Variants in RRBP1 observed in about 807,000 individuals in gnomAD.
RRBP1 encodes the protein ribosome binding protein 1.
A neutral mutation model predicts 165.2 loss-of-function variants in RRBP1; 94 were observed. The ratio of observed to expected loss-of-function variants is 0.57; its 90% CI spans 0.48 to 0.68. The LOEUF (loss-of-function observed/expected upper bound fraction) is 0.68. RRBP1 is among the 30% of genes least tolerant of loss of function. RRBP1 has a pLI of 0.00. For synonymous variants in RRBP1, 680 were observed against 714.5 expected (o/e 0.95, Z 0.77); for missense variants, 1,676 against 1,763.0 (o/e 0.95, Z 0.88).
At chr20:17,615,881 GC>G in intron 22 of RRBP1, 44 bp downstream of exon 22, 1 of 1,519,972 alleles carries the variant, frequency 6.6e-7, no homozygotes. Context: ...GAGACTCAGG[GC>G]CCAGGGGCTG....
rs1273826026 is a variant in RRBP1, at chr20:17,643,918, G to A, written c.1913-791C>T. Among the ~76,000 whole-genome samples the A allele has an allele frequency of 2.0e-5, 3 of 152,086 alleles. No individual in the cohort carries two copies. Among genetic ancestry groups the A allele is most frequent in the African/African-American group, 4.8e-5 (2 of 41,410 alleles). ...CTCATTGGGGCTTGAATGCAGCCTC[G>A]GAAGCAAGAAAGGGTGAACCAAGAT... On this transcript the variant is annotated intron_variant, in intron 3 of 24. Transcript: ENST00000377813. This position sits in a 1 kb window ranked among gnomAD's most constrained non-coding sequence, Gnocchi z 4.3.
rs1459024737 is a variant in RRBP1, at chr20:17,643,816, C to G, written c.1913-689G>C. On this transcript the variant is annotated intron_variant, in intron 3 of 24. Transcript: ENST00000377813. This position sits in a 1 kb window ranked among gnomAD's most constrained non-coding sequence, Gnocchi z 4.3. ...GACTGCCTGGAGGACAGGGAGCCAT[C>G]TGCCAACAAACGTCACTTCTGAAAA... is the stretch of plus-strand genomic sequence containing the variant. 6.6e-6 allele frequency among the ~76,000 whole-genome samples: 1 copy of G among 152,192 alleles called. No homozygotes were observed. Among genetic ancestry groups the G allele is most frequent in the African/African-American group, 2.4e-5 (1 of 41,438 alleles).
chr20:17,679,841 G>A lies in RRBP1; in HGVS notation c.-22+158C>T, dbSNP rs117653821. Among the ~76,000 whole-genome samples the A allele has an allele frequency of 2.3e-3, 347 of 152,278 alleles. 1 individual carries two copies. Among genetic ancestry groups the A allele is most frequent in the Non-Finnish European group, 4.1e-3 (276 of 68,024 alleles). On this transcript the variant is annotated intron_variant, in intron 2 of 24. Transcript: ENST00000377813. ...AGATTCCTAAGTATGAAAGGTGAGA[G>A]TTGTTATAGTGCCTAGAGCTCTAAA...
chr20:17,656,688 T>A (rs1418737778), intron 3 of RRBP1, among the ~76,000 whole-genome samples: 2 of 152,230 alleles, frequency 1.3e-5, no homozygotes, highest in East Asian at 3.8e-4. Context: ...TAAAAAAATC[T>A]GTTCAATTAT....
chr20:17,664,633 CA>C (rs1168661104), intron 2 of RRBP1, among the ~76,000 whole-genome samples: 1 of 152,200 alleles, frequency 6.6e-6, no homozygotes, highest in Admixed American at 6.5e-5. Flanking sequence ...ACTCTTTAGA[CA>C]CAGAAGATAT....
chr20:17,647,613 A>AT (rs1211932737), intron 3 of RRBP1, among the ~76,000 whole-genome samples: 1 of 152,196 alleles, frequency 6.6e-6, no homozygotes, highest in Non-Finnish European at 1.5e-5. Flanking sequence ...CAGGACCAGG[A>AT]TCTGGGCCCG....
intron 23 of RRBP1, 77 bp from the exon 24 acceptor site, chr20:17,614,957 G>C (rs972516768): frequency 7.9e-6 from 12 of 1,517,912 alleles, no homozygotes; most frequent in Middle Eastern, 3.5e-4. Context: ...ACAGGACCCT[G>C]ACGCCAGGGG....
intron 12 of RRBP1, 79 bp downstream of exon 12, chr20:17,625,433 T>G: frequency 8.1e-7 from 1 of 1,238,098 alleles, no homozygotes; most frequent in Non-Finnish European, 1.2e-6. Context: ...CCAGGGCGGG[T>G]GCCACATAGC....
At chr20:17,653,399 T>C (rs1296943408) in intron 3 of RRBP1, among the ~76,000 whole-genome samples, 4 of 152,172 alleles carry the variant, frequency 2.6e-5, no homozygotes, top group African/African-American at 9.6e-5. Flanking sequence ...ATGCTGTTAG[T>C]AAGAAGATGG....
intron 9 of RRBP1, among the ~76,000 whole-genome samples, chr20:17,628,337 T>C (rs1466919846): frequency 6.6e-6 from 1 of 151,988 alleles, no homozygotes; most frequent in Non-Finnish European, 1.5e-5. Context: ...CTCCTCATCT[T>C]CCTCCCTCGC....
chr20:17,620,255 G>A lies in RRBP1; in HGVS notation c.3579+44C>T, dbSNP rs765567766. On this transcript the variant is annotated intron_variant, in intron 18 of 24. Transcript: ENST00000377813. ...TCTGCATTAACGTCACTTTCAAAGA[G>A]GCTCCCGGGACAAGAGAAAGAGTTC... is the stretch of plus-strand genomic sequence containing the variant. The A allele has an allele frequency of 1.3e-5, 19 of 1,468,308 alleles. No homozygotes were observed. In the African/African-American group the frequency reaches 2.5e-4, roughly 19 times the overall value. 91.0% of individuals were successfully genotyped at this position (1,468,308 alleles called of 1,614,324 possible).
chr20:17,628,425 G>A lies in RRBP1; in HGVS notation c.2750-743C>T, dbSNP rs140397806. ...CACTAGCACCTCTGCGGCCACCTGG[G>A]CCCTGCCCTGTTGCCTTGGGCCTCA... On this transcript the variant is annotated intron_variant, in intron 9 of 24. Coordinates refer to ENST00000377813, the MANE Select transcript of RRBP1 (RefSeq NM_001365613.2). Among the ~76,000 whole-genome samples the A allele has an allele frequency of 4.0e-4, 61 of 152,288 alleles. 1 individual carries two copies. The highest frequency in any genetic ancestry group is 1.2e-3 in the African/African-American group (50 of 41,554).
At chr20:17,614,983 G>A (rs1295628335) in intron 23 of RRBP1, 103 bp from the exon 24 acceptor site, 2 of 1,347,314 alleles carry the variant, frequency 1.5e-6, no homozygotes, top group Non-Finnish European at 2.0e-6. Flanking sequence ...GCCCTCTGGG[G>A]ACACAAGGAA....
chr20:17,653,574 G>A (rs1201064117), intron 3 of RRBP1, among the ~76,000 whole-genome samples: 2 of 152,176 alleles, frequency 1.3e-5, no homozygotes, highest in Admixed American at 6.5e-5. Flanking sequence ...GGTGGCTCAC[G>A]CCTATAACCC....
At chr20:17,681,191 G>T (rs1026833459) in intron 1 of RRBP1, among the ~76,000 whole-genome samples, 2 of 149,278 alleles carry the variant, frequency 1.3e-5, no homozygotes, top group East Asian at 4.0e-4. Context: ...CCCATTCATC[G>T]TGGCCGCGGG....
chr20:17,633,549 T>A lies in RRBP1; in HGVS notation c.2521A>T (p.Lys841Ter). The A allele has an allele frequency of 1.2e-6, 2 of 1,614,026 alleles. No individual in the cohort carries two copies. The highest frequency in any genetic ancestry group is 1.7e-6 in the Non-Finnish European group (2 of 1,180,010). Residue 841 changes from lysine to a stop codon, truncating the protein, a stop_gained, in exon 8 of 25, where the codon AAG becomes TAG. Transcript: ENST00000377813. LOFTEE classifies it high-confidence loss of function. Reference protein sequence around the residue: ...LSKVSKELVEKSEAVRQDEQQ... With the variant: ...LSKVSKELVE ...TCATCTTGCCGCACAGCCTCTGACTTCTCCACCAGCTCTTTGCTGACCTTG... is the reference window on the plus strand; with the variant it reads ...TCATCTTGCCGCACAGCCTCTGACTACTCCACCAGCTCTTTGCTGACCTTG...
Position 17,635,553 on chromosome 20 carries a change from C to A in RRBP1, c.2449G>T (p.Glu817Ter). The change falls in exon 7 of 25, where the codon GAG becomes TAG. Residue 817 changes from glutamate (E) to a stop codon, truncating the protein, a stop_gained. Transcript: ENST00000377813. LOFTEE classifies it high-confidence loss of function. ...CAGGAAAGCTCAGCTTACTTGCTCT[C>A]CACCTGGCTCGTGGCCTGGTTCAAG... Reference protein sequence around the residue: ...DALNQATSQVESKQNAELAKL... With the variant: ...DALNQATSQV 6.2e-7 allele frequency: 1 copy of A among 1,609,664 alleles called. No individual in the cohort carries two copies. Among genetic ancestry groups the A allele is most frequent in the Admixed American group, 1.7e-5 (1 of 59,412 alleles).
intron 2 of RRBP1, among the ~76,000 whole-genome samples, chr20:17,675,378 A>C (rs2037058588): frequency 6.6e-6 from 1 of 152,196 alleles, no homozygotes; most frequent in Non-Finnish European, 1.5e-5. Flanking sequence ...AAGAATGGGC[A>C]CCTATTGCAT....
At chr20:17,650,900 T>C (rs1007248334) in intron 3 of RRBP1, among the ~76,000 whole-genome samples, 1 of 152,208 alleles carries the variant, frequency 6.6e-6, no homozygotes, top group Non-Finnish European at 1.5e-5. Flanking sequence ...TAGATTTTTT[T>C]AAAAACCAAC....
Sources: allele counts gnomAD v4.1 joint callset (sites outside exome capture counted in the v4.1 genomes callset), GRCh38; gene constraint gnomAD v4.1.1; non-coding constraint Gnocchi (gnomAD v3.1); transcripts MANE v1.5; gene names NCBI Gene and HGNC (gene_info 2026-07-23, HGNC 2026-07-21).